The following FSIP1 variants were observed in gnomAD, a reference collection of about 807,000 sequenced individuals.
The protein encoded by FSIP1 is fibrous sheath interacting protein 1.
A neutral mutation model predicts 60.9 loss-of-function variants in FSIP1; 65 were observed. The observed-to-expected ratio is 1.07, with a 90% CI of 0.87 to 1.31. FSIP1 has a LOEUF of 1.31. Among genes scored for constraint, FSIP1 ranks in the 40% most tolerant of loss-of-function variants. FSIP1 has a pLI of 0.00. For missense variants in FSIP1, 675 were observed against 665.5 expected, an observed-to-expected ratio of 1.01 and a Z score of -0.16; for synonymous variants, 209 against 221.2, an observed-to-expected ratio of 0.94 and a Z score of 0.49.
chr15:39,690,516 C>A (rs1894554101), intron 10 of FSIP1, among the ~76,000 whole-genome samples: 2 of 152,158 alleles, frequency 1.3e-5, no homozygotes, highest in Admixed American at 6.5e-5. Context: ...GCAACAATTC[C>A]AGTATCTCCC....
At chr15:39,708,884 C>T (rs1895384194) in intron 10 of FSIP1, among the ~76,000 whole-genome samples, 1 of 152,170 alleles carries the variant, frequency 6.6e-6, no homozygotes, top group South Asian at 2.1e-4. Context: ...TTTCAAGGCC[C>T]CTATATGCCT....
intron 10 of FSIP1, among the ~76,000 whole-genome samples, chr15:39,662,141 G>T: frequency 6.6e-6 from 1 of 151,962 alleles, no homozygotes; most frequent in South Asian, 2.1e-4. Flanking sequence ...CTCTCTTTCT[G>T]GCTATAGTTG....
At chr15:39,638,957 T>C (rs1254597114) in intron 10 of FSIP1, among the ~76,000 whole-genome samples, 3 of 152,156 alleles carry the variant, frequency 2.0e-5, no homozygotes, top group South Asian at 2.1e-4. Flanking sequence ...CTAATACTTA[T>C]TTAAGACCCA....
intron 1 of FSIP1, among the ~76,000 whole-genome samples, chr15:39,781,477 G>T (rs1029452156): frequency 1.3e-4 from 20 of 151,814 alleles, no homozygotes; most frequent in Non-Finnish European, 2.6e-4. Flanking sequence ...CCCAAGAAAT[G>T]AAAACATATT....
chr15:39,725,224 C>T lies in FSIP1; in HGVS notation c.1050+1365G>A, dbSNP rs551294079. ...CCAGCCTGGTGACAGAGCGAGATTC[C>T]GTCTCAAAATAAAATAAAATACAAA... On this transcript the variant is annotated intron_variant, in intron 9 of 11. Transcript: ENST00000350221. Among the ~76,000 whole-genome samples the T allele has an allele frequency of 8.0e-4, 121 of 152,168 alleles. 1 individual carries two copies. The highest frequency in any genetic ancestry group is 2.8e-3 in the African/African-American group (116 of 41,516).
At chr15:39,776,658 T>A in intron 1 of FSIP1, 127 bp from the exon 2 acceptor site, 1 of 808,164 alleles carries the variant, frequency 1.2e-6, no homozygotes, top group Non-Finnish European at 1.9e-6. Flanking sequence ...AAGTCACACT[T>A]AAGGGTTCCC....
At chr15:39,672,443 A>G (rs769700778) in intron 10 of FSIP1, among the ~76,000 whole-genome samples, 1 of 152,232 alleles carries the variant, frequency 6.6e-6, no homozygotes, top group African/African-American at 2.4e-5. Flanking sequence ...TAGTACAGAC[A>G]AGATAGAAGA....
intron 10 of FSIP1, among the ~76,000 whole-genome samples, chr15:39,656,752 AT>A (rs1893085629): frequency 6.6e-6 from 1 of 152,240 alleles, no homozygotes; most frequent in Non-Finnish European, 1.5e-5. Flanking sequence ...AGTAAGTGAC[AT>A]TTTTTGGAAG....
chr15:39,628,637 T>C (rs147259379), intron 10 of FSIP1, among the ~76,000 whole-genome samples: 3 of 152,318 alleles, frequency 2.0e-5, no homozygotes, highest in African/African-American at 7.2e-5. Context: ...AAGTTAAGTG[T>C]TCCTTCAGCT....
intron 9 of FSIP1, 25 bp from the exon 10 acceptor site, chr15:39,713,606 ATCAT>A: frequency 6.4e-7 from 1 of 1,559,734 alleles, no homozygotes; most frequent in Non-Finnish European, 8.7e-7. Context: ...AAAAAAAAAC[ATCAT>A]TCACAGGCTG....
intron 10 of FSIP1, among the ~76,000 whole-genome samples, chr15:39,695,681 G>C (rs1040437755): frequency 4.6e-5 from 7 of 152,092 alleles, no homozygotes; most frequent in Admixed American, 2.0e-4. Context: ...CACTGACTAC[G>C]GGACATTGTT....
At chr15:39,739,558 A>T in intron 7 of FSIP1, 107 bp downstream of exon 7, 1 of 1,013,860 alleles carries the variant, frequency 9.9e-7, no homozygotes, top group Non-Finnish European at 1.5e-6. Flanking sequence ...AATCATTTAT[A>T]CATTTATGAT....
chr15:39,661,490 C>T (rs967239510), intron 10 of FSIP1, among the ~76,000 whole-genome samples: 1 of 152,090 alleles, frequency 6.6e-6, no homozygotes, highest in African/African-American at 2.4e-5. Context: ...AACATGATTA[C>T]ATTAAGAAAA....
At chr15:39,772,619 C>T (rs1033663570) in intron 2 of FSIP1, among the ~76,000 whole-genome samples, 1 of 151,118 alleles carries the variant, frequency 6.6e-6, no homozygotes, top group African/African-American at 2.4e-5. Flanking sequence ...GAGGTGGTGT[C>T]TCACTCTGTC....
At chr15:39,726,852 A>AACACACACACAC (rs3065147) in intron 8 of FSIP1, 105 bp from the exon 9 acceptor site, 305 of 622,400 alleles carry the variant, frequency 4.9e-4, no homozygotes, top group East Asian at 4.2e-3. Context: ...TACACACACA[A>AACACACACACAC]ACACACACAC....
chr15:39,661,106 A>AAAATT (rs1253040692), intron 10 of FSIP1, among the ~76,000 whole-genome samples: 1 of 152,220 alleles, frequency 6.6e-6, no homozygotes, highest in Non-Finnish European at 1.5e-5. Flanking sequence ...CAATAATTAG[A>AAAATT]AAATTAACCA....
intron 10 of FSIP1, among the ~76,000 whole-genome samples, chr15:39,711,876 G>A (rs565367023): frequency 7.2e-4 from 109 of 151,700 alleles, no homozygotes; most frequent in African/African-American, 2.3e-3. Context: ...TAGTGGATAC[G>A]GGGTTTCACC....
intron 11 of FSIP1, among the ~76,000 whole-genome samples, chr15:39,606,457 G>A (rs1417929035): frequency 1.3e-5 from 2 of 152,034 alleles, no homozygotes; most frequent in African/African-American, 4.8e-5. Flanking sequence ...TCAATTCTCT[G>A]TGTTAAGAAC....
chr15:39,632,203 G>C (rs1479020074), intron 10 of FSIP1, among the ~76,000 whole-genome samples: 1 of 151,996 alleles, frequency 6.6e-6, no homozygotes, highest in Non-Finnish European at 1.5e-5. Flanking sequence ...GTTGAGACAG[G>C]GTCCGACTCT....
Sources: gnomAD v4.1 joint callset for allele counts (sites outside exome capture counted in the v4.1 genomes callset) on GRCh38, gnomAD v4.1.1 for gene constraint, MANE v1.5 for transcripts, NCBI Gene and HGNC (gene_info 2026-07-23, HGNC 2026-07-21) for gene names.